PCDHA10: variants seen among roughly 807,000 people sequenced by gnomAD.
PCDHA10 encodes the protein protocadherin alpha-10.
Under a neutral mutation model 61.2 loss-of-function variants are expected in PCDHA10, and 45 were observed. The observed-to-expected ratio is 0.74, with a 90% CI of 0.58 to 0.94. PCDHA10 has a LOEUF of 0.94. PCDHA10 is among the 40% of genes least tolerant of loss of function. The probability of loss-of-function intolerance (pLI) is 0.00; values close to 1 mark genes in which losing one functional copy is unlikely to be tolerated. For missense variants in PCDHA10, 1,278 were observed against 1,236.2 expected (o/e 1.03, Z -0.51); for synonymous variants, 602 against 548.8 (o/e 1.10, Z -1.35).
At chr5:140,891,007 G>A (rs1228475433) in intron 1 of PCDHA10, among the ~76,000 whole-genome samples, 7 of 152,030 alleles carry the variant, frequency 4.6e-5, no homozygotes, top group African/African-American at 7.3e-5. Context: ...TTATTGAAAA[G>A]CATTTTTTCT....
chr5:140,927,942 T>C, intron 1 of PCDHA10: 1 of 1,614,226 alleles, frequency 6.2e-7, no homozygotes, highest in Non-Finnish European at 8.5e-7. Flanking sequence ...ACCCAGTACC[T>C]GAGGACGCTG....
At chr5:140,931,982 T>G (rs1486789443) in intron 1 of PCDHA10, among the ~76,000 whole-genome samples, 1 of 151,968 alleles carries the variant, frequency 6.6e-6, no homozygotes, top group Non-Finnish European at 1.5e-5. Context: ...GTTTATATTT[T>G]GCTCAAATTC....
intron 1 of PCDHA10, chr5:140,969,181 T>C (rs1554231546): frequency 1.2e-6 from 2 of 1,613,978 alleles, no homozygotes; most frequent in Non-Finnish European, 8.5e-7. Flanking sequence ...GGAGTGACAC[T>C]TTCATGTTTT....
intron 1 of PCDHA10, chr5:140,875,431 T>C (rs1554167634): frequency 1.3e-6 from 2 of 1,558,558 alleles, no homozygotes. Context: ...AAGCGATCCC[T>C]TAAAACTGAT....
At chr5:140,969,439 T>C (rs1554231802) in intron 1 of PCDHA10, 2 of 1,546,634 alleles carry the variant, frequency 1.3e-6, no homozygotes, top group Admixed American at 3.9e-5. Context: ...AAGAGTTATC[T>C]GGTAAACTGA....
intron 1 of PCDHA10, among the ~76,000 whole-genome samples, chr5:140,906,586 C>G (rs1199094981): frequency 6.6e-6 from 1 of 152,218 alleles, no homozygotes; most frequent in African/African-American, 2.4e-5. Context: ...TGATGACTAC[C>G]TTCCTCTACT....
chr5:140,988,009 A>C (rs1223658003), intron 3 of PCDHA10, among the ~76,000 whole-genome samples: 3 of 152,204 alleles, frequency 2.0e-5, no homozygotes, highest in Non-Finnish European at 4.4e-5. Context: ...CCCCAGAAAG[A>C]AAGCATGATT....
At chr5:141,006,375 CTAAG>C (rs2098270775) in intron 3 of PCDHA10, among the ~76,000 whole-genome samples, 1 of 151,930 alleles carries the variant, frequency 6.6e-6, no homozygotes, top group Admixed American at 6.6e-5. Flanking sequence ...CCACGCCCGG[CTAAG>C]TTTTTTCTAT....
chr5:140,899,253 A>T (rs1340284203), intron 1 of PCDHA10, among the ~76,000 whole-genome samples: 1 of 152,284 alleles, frequency 6.6e-6, no homozygotes, highest in East Asian at 1.9e-4. Context: ...GAGAGAGGGC[A>T]TCCCTGTCTT....
chr5:140,868,928 A>C, intron 1 of PCDHA10: 1 of 1,070,100 alleles, frequency 9.3e-7, no homozygotes, highest in Non-Finnish European at 1.3e-6. Flanking sequence ...AGTTCATTTA[A>C]AGGTTGGTCT....
At chr5:140,858,508 T>C (rs1554151704) in intron 1 of PCDHA10, 72 bp downstream of exon 1, 2 of 1,443,968 alleles carry the variant, frequency 1.4e-6, no homozygotes, top group East Asian at 2.5e-5. Context: ...TTTTCTCAAA[T>C]ATGTATCAGA....
At chr5:140,967,107 G>C (rs782199698) in intron 1 of PCDHA10, 1 of 1,612,994 alleles carries the variant, frequency 6.2e-7, no homozygotes. Flanking sequence ...TGTGAGCAGC[G>C]GCCTCGCTGC....
At chr5:140,993,540 A>T (rs1189758746) in intron 3 of PCDHA10, among the ~76,000 whole-genome samples, 7 of 151,678 alleles carry the variant, frequency 4.6e-5, no homozygotes, top group Non-Finnish European at 8.8e-5. Context: ...AGAGAGAGAT[A>T]GAGAAGTGAA....
chr5:140,859,086 G>A (rs1474947917), intron 1 of PCDHA10: 3 of 150,424 alleles, frequency 2.0e-5, no homozygotes, highest in Non-Finnish European at 3.0e-5. Flanking sequence ...CTGTGTCAGT[G>A]TGTATTATTC....
At chr5:140,883,410 C>T in intron 1 of PCDHA10, 2 of 1,614,180 alleles carry the variant, frequency 1.2e-6, no homozygotes, top group Non-Finnish European at 1.7e-6. Flanking sequence ...GACTCTGGCT[C>T]AAATGGACAG....
At chr5:140,873,653 C>A (rs2054406845) in intron 1 of PCDHA10, among the ~76,000 whole-genome samples, 1 of 152,104 alleles carries the variant, frequency 6.6e-6, no homozygotes, top group Non-Finnish European at 1.5e-5. Context: ...AACTACATAA[C>A]ACACTATTAT....
At chr5:140,883,052 A>G (rs1554176592) in intron 1 of PCDHA10, 1 of 1,614,134 alleles carries the variant, frequency 6.2e-7, no homozygotes, top group East Asian at 2.2e-5. Flanking sequence ...AACATTAGTG[A>G]TCAAGCTAAA....
intron 2 of PCDHA10, among the ~76,000 whole-genome samples, chr5:140,980,491 G>A (rs917181390): frequency 2.6e-5 from 4 of 152,132 alleles, no homozygotes; most frequent in Non-Finnish European, 5.9e-5. Flanking sequence ...TTAGCTGGGC[G>A]TGATGGCATG....
chr5:141,009,303 T>A (rs1040786824), intron 3 of PCDHA10, among the ~76,000 whole-genome samples: 16 of 152,050 alleles, frequency 1.1e-4, no homozygotes, highest in East Asian at 1.9e-4. Flanking sequence ...AAATTTTTTT[T>A]AAAAAGCTAG....
Sources: allele counts gnomAD v4.1 joint callset (sites outside exome capture counted in the v4.1 genomes callset), GRCh38; gene constraint gnomAD v4.1.1; transcripts MANE v1.5; gene names NCBI Gene and HGNC (gene_info 2026-07-23, HGNC 2026-07-21).